The following CDH12 variants were observed in gnomAD, a reference collection of about 807,000 sequenced individuals.
The protein encoded by CDH12 is cadherin-12.
A neutral mutation model predicts 74.1 loss-of-function variants in CDH12; 41 were observed. The ratio of observed to expected loss-of-function variants is 0.55; its 90% CI spans 0.43 to 0.72. The LOEUF (loss-of-function observed/expected upper bound fraction) is 0.72. Among genes scored for constraint, CDH12 ranks in the 30% least tolerant of loss-of-function variants. The pLI is 0.00. For missense variants in CDH12, 945 were observed against 977.2 expected (o/e 0.97, Z 0.44); for synonymous variants, 399 against 355.0 (o/e 1.12, Z -1.39).
rs1213092422 is a variant in CDH12, at chr5:22,137,418, A to C, written c.-186-58556T>G. Among the ~76,000 whole-genome samples the C allele has an allele frequency of 3.3e-5, 5 of 151,954 alleles. No homozygotes were observed. In the Admixed American group the frequency reaches 3.3e-4, roughly 10 times the overall value. ...TGATAGTCTCTCTCCCTCTCTCTGG[A>C]TGCTGCTTTAGGACATTTACTAAGT... is the stretch of plus-strand genomic sequence containing the variant. On this transcript the variant is annotated intron_variant, in intron 4 of 14. Transcript: ENST00000382254.
chr5:21,791,173 C>T (rs544067939), intron 10 of CDH12, among the ~76,000 whole-genome samples: 19 of 152,160 alleles, frequency 1.2e-4, no homozygotes, highest in African/African-American at 4.1e-4. Flanking sequence ...GGCATCTTCC[C>T]AGTGCTCTGT....
At chr5:22,689,975 G>A (rs1741998462) in intron 1 of CDH12, among the ~76,000 whole-genome samples, 1 of 152,102 alleles carries the variant, frequency 6.6e-6, no homozygotes, top group Non-Finnish European at 1.5e-5. Flanking sequence ...AAACAGCACA[G>A]AGATGATGGT....
chr5:22,151,975 C>A (rs1747614841), intron 4 of CDH12: 1 of 152,044 alleles, frequency 6.6e-6, no homozygotes, highest in Non-Finnish European at 1.5e-5. Context: ...GTTATCAGTG[C>A]AGTTCCGTTC....
chr5:21,899,135 A>G (rs1026528924), intron 6 of CDH12, among the ~76,000 whole-genome samples: 2 of 152,208 alleles, frequency 1.3e-5, no homozygotes, highest in Non-Finnish European at 2.9e-5. Context: ...TCTAAATTTA[A>G]CAATCATAAA....
At chr5:22,821,655 C>A (rs1395189180) in intron 1 of CDH12, among the ~76,000 whole-genome samples, 3 of 150,758 alleles carry the variant, frequency 2.0e-5, no homozygotes, top group Non-Finnish European at 4.4e-5. Context: ...AATAAAATAC[C>A]TAGGAATCCA....
At chr5:22,167,566 T>C (rs558239103) in intron 4 of CDH12, among the ~76,000 whole-genome samples, 1 of 152,304 alleles carries the variant, frequency 6.6e-6, no homozygotes, top group East Asian at 1.9e-4. Context: ...TTCTCTTCTG[T>C]AGGCCTGGAA....
At chr5:22,433,411 C>A (rs1744252558) in intron 2 of CDH12, among the ~76,000 whole-genome samples, 1 of 152,010 alleles carries the variant, frequency 6.6e-6, no homozygotes, top group Non-Finnish European at 1.5e-5. Flanking sequence ...TATGTAAAAT[C>A]CAGTTACCTG....
At position 21,883,911 on chromosome 5, in the gene CDH12, G is replaced by A. The variant is rs1373924536; in HGVS notation, c.527-29121C>T. On this transcript the variant is annotated intron_variant, in intron 6 of 14. Transcript: ENST00000382254. ...TGAAGGAGGCATTGTTTTGGGAGGG[G>A]GTTTTGCCCTCCTTCGATGCATTCC... The A allele has an allele frequency of 2.5e-6, 4 of 1,606,328 alleles. No individual in the cohort carries two copies. The African/African-American group carries it at 5.4e-5, about 21-fold the overall frequency.
intron 2 of CDH12, among the ~76,000 whole-genome samples, chr5:22,485,234 T>A (rs1419687274): frequency 2.0e-5 from 3 of 152,136 alleles, no homozygotes; most frequent in Admixed American, 6.5e-5. Flanking sequence ...CAGGCTGGAA[T>A]GCAGTGGCCT....
intron 3 of CDH12, among the ~76,000 whole-genome samples, chr5:22,342,964 T>A (rs763288430): frequency 1.3e-5 from 2 of 151,928 alleles, no homozygotes; most frequent in Non-Finnish European, 2.9e-5. Context: ...TTCTTGTGTC[T>A]CTGCCTCAGC....
At chr5:21,759,313 A>G (rs1744581276) in intron 13 of CDH12, among the ~76,000 whole-genome samples, 1 of 151,986 alleles carries the variant, frequency 6.6e-6, no homozygotes, top group Non-Finnish European at 1.5e-5. Flanking sequence ...CAAATTTTAC[A>G]CAAATTTATT....
At chr5:22,311,776 G>A (rs6871878) in intron 3 of CDH12, among the ~76,000 whole-genome samples, 471 of 151,132 alleles carry the variant, frequency 3.1e-3, no homozygotes, top group African/African-American at 0.011. Flanking sequence ...AGGGAAGTTC[G>A]TGACTGAAGT....
intron 1 of CDH12, among the ~76,000 whole-genome samples, chr5:22,518,329 C>A (rs1736893592): frequency 1.3e-5 from 2 of 152,174 alleles, no homozygotes; most frequent in South Asian, 4.1e-4. Context: ...AGAAGTATTA[C>A]AATGGCTCTT....
intron 1 of CDH12, among the ~76,000 whole-genome samples, chr5:22,679,193 C>T (rs1218883827): frequency 6.6e-6 from 1 of 152,094 alleles, no homozygotes; most frequent in South Asian, 2.1e-4. Flanking sequence ...CACCACTAAA[C>T]TTCCAGGTAT....
intron 5 of CDH12, among the ~76,000 whole-genome samples, chr5:22,058,442 A>T (rs1049918440): frequency 1.2e-4 from 18 of 152,124 alleles, no homozygotes; most frequent in African/African-American, 4.3e-4. Flanking sequence ...AAAAGTACAA[A>T]TGTATTTGTC....
intron 5 of CDH12, among the ~76,000 whole-genome samples, chr5:21,977,453 CA>C (rs1477820745): frequency 1.3e-5 from 2 of 151,990 alleles, no homozygotes; most frequent in Non-Finnish European, 2.9e-5. Context: ...AAGCTCAATG[CA>C]AAAGGCATGA....
chr5:22,697,120 T>C (rs1742411487), intron 1 of CDH12, among the ~76,000 whole-genome samples: 2 of 152,172 alleles, frequency 1.3e-5, no homozygotes, highest in Admixed American at 1.3e-4. Context: ...TGTCATTTGA[T>C]GACACATCAT....
chr5:22,091,385 C>T lies in CDH12; in HGVS notation c.-186-12523G>A, dbSNP rs1019756697. On this transcript the variant is annotated intron_variant, in intron 4 of 14. Coordinates refer to ENST00000382254, the MANE Select transcript of CDH12 (RefSeq NM_004061.5). Reference sequence around the variant, plus strand: ...TACAAAACTCAACTGTATTTCTATACACTGAAATGTCATTAAAATTGAATG... The same window carrying T: ...TACAAAACTCAACTGTATTTCTATATACTGAAATGTCATTAAAATTGAATG... Among the ~76,000 whole-genome samples, 8 of 150,384 alleles carry T rather than the reference C, an allele frequency of 5.3e-5. No individual in the cohort carries two copies. In the Admixed American group the frequency reaches 5.4e-4, roughly 10 times the overall value.
At chr5:22,139,721 A>C (rs1222797167) in intron 4 of CDH12, 2 of 151,106 alleles carry the variant, frequency 1.3e-5, no homozygotes, top group Admixed American at 6.6e-5. Context: ...TTTTCTGAGA[A>C]ATTACTATTT....
Sources: gnomAD v4.1 joint callset for allele counts (sites outside exome capture counted in the v4.1 genomes callset) on GRCh38, gnomAD v4.1.1 for gene constraint, MANE v1.5 for transcripts, NCBI Gene and HGNC (gene_info 2026-07-23, HGNC 2026-07-21) for gene names.